MECOM: variants seen among roughly 807,000 people sequenced by gnomAD.
MECOM encodes histone-lysine N-methyltransferase MECOM.
Under a neutral mutation model 116.3 loss-of-function variants are expected in MECOM, and 13 were observed. That is an observed-to-expected ratio of 0.11 (90% confidence interval 0.07 to 0.18). The LOEUF is 0.18. Ranked by LOEUF, MECOM falls within the 10% of genes least tolerant of loss-of-function variation. MECOM has a pLI of 1.00. For synonymous variants in MECOM, 528 were observed against 535.2 expected (o/e 0.99, Z 0.19); for missense variants, 1,299 against 1,509.0 (o/e 0.86, Z 2.31).
intron 2 of MECOM, among the ~76,000 whole-genome samples, chr3:169,334,561 G>A (rs1307846500): frequency 6.6e-6 from 1 of 152,088 alleles, no homozygotes; most frequent in Non-Finnish European, 1.5e-5. Flanking sequence ...GAGAACGCTG[G>A]TTGATGAGGA....
At position 169,089,043 on chromosome 3, in the gene MECOM, G is replaced by A; in HGVS notation, c.3542C>T (p.Pro1181Leu). The change falls in exon 16 of 17, where the codon CCA becomes CTA. Residue 1181 changes from proline to leucine, a missense_variant. Pro to Leu is a moderately conservative substitution (Grantham distance 98). Around this residue, in one of 6 missense-constraint regions of MECOM, gnomAD observed 273 missense variants for 289.3 expected, o/e 0.94. Coordinates refer to ENST00000651503, the MANE Select transcript of MECOM (RefSeq NM_004991.4). ...ELSSFSTSHV[P>L]EELKQPLHRK... ...GTGTAACGGCTGCTTAAGTTCCTCT[G>A]GCACATGGGAAGTACTAAAAGAAGA... 1.2e-6 allele frequency: 2 copies of A among 1,606,346 alleles called. No individual in the cohort carries two copies. Among genetic ancestry groups the A allele is most frequent in the Non-Finnish European group, 1.7e-6 (2 of 1,177,092 alleles).
chr3:169,527,603 AT>A (rs1758108462), intron 1 of MECOM, among the ~76,000 whole-genome samples: 1 of 152,100 alleles, frequency 6.6e-6, no homozygotes, highest in South Asian at 2.1e-4. Flanking sequence ...TTTCTTAATA[AT>A]TCTGGCAGCC....
intron 2 of MECOM, among the ~76,000 whole-genome samples, chr3:169,294,308 C>T (rs1209172122): frequency 6.6e-6 from 1 of 152,126 alleles, no homozygotes; most frequent in Non-Finnish European, 1.5e-5. Context: ...AGAAAATAAT[C>T]ATTTTAGAAA....
intron 1 of MECOM, among the ~76,000 whole-genome samples, chr3:169,556,809 T>G (rs1378765509): frequency 6.6e-6 from 1 of 152,152 alleles, no homozygotes; most frequent in Non-Finnish European, 1.5e-5. Flanking sequence ...AGCCTTCACA[T>G]GACGGTAGTC....
chr3:169,545,406 T>C (rs1229880379), intron 1 of MECOM, among the ~76,000 whole-genome samples: 1 of 152,014 alleles, frequency 6.6e-6, no homozygotes, highest in African/African-American at 2.4e-5. Context: ...GAGAATAAGG[T>C]TGGAATGAAC....
intron 1 of MECOM, among the ~76,000 whole-genome samples, chr3:169,616,367 A>G (rs113673397): frequency 0.01 from 1,569 of 152,126 alleles, 31 homozygotes; most frequent in African/African-American, 0.036. Context: ...TTGGTTGGAG[A>G]TAGAGTCTTG....
At chr3:169,481,984 T>C (rs1313425122) in intron 1 of MECOM, among the ~76,000 whole-genome samples, 2 of 152,218 alleles carry the variant, frequency 1.3e-5, no homozygotes, top group African/African-American at 4.8e-5. Context: ...AGTACAACTC[T>C]TGAGATCATG....
At chr3:169,592,791 T>C (rs1216055484) in intron 1 of MECOM, among the ~76,000 whole-genome samples, 2 of 152,018 alleles carry the variant, frequency 1.3e-5, no homozygotes, top group Non-Finnish European at 2.9e-5. Flanking sequence ...TGCCAGCATT[T>C]TCCACAATTA....
intron 2 of MECOM, among the ~76,000 whole-genome samples, chr3:169,307,444 T>G (rs1717928020): frequency 6.6e-6 from 1 of 152,130 alleles, no homozygotes; most frequent in Non-Finnish European, 1.5e-5. Context: ...TGTGGTGGCA[T>G]GTGCCTGTGG....
intron 2 of MECOM, among the ~76,000 whole-genome samples, chr3:169,286,828 C>T (rs1049828714): frequency 1.3e-5 from 2 of 152,110 alleles, no homozygotes; most frequent in Admixed American, 1.3e-4. Flanking sequence ...TTCCAACGCC[C>T]CGAGAAGAAC....
chr3:169,117,248 G>T (rs145017694), intron 7 of MECOM, among the ~76,000 whole-genome samples: 1 of 152,160 alleles, frequency 6.6e-6, no homozygotes, highest in East Asian at 1.9e-4. Flanking sequence ...TGGGGAAAAA[G>T]CCTGTGACTG....
In MECOM at chr3:169,165,280, C is replaced by T. The variant is rs186956777; in HGVS notation, c.376-21448G>A. On this transcript the variant is annotated intron_variant, in intron 2 of 16. Transcript: ENST00000651503. ...GAGCATTCATTCTAGTGAAAATTAA[C>T]ATGAAAATGCACTAAGAAAATGAAG... 5.3e-5 allele frequency among the ~76,000 whole-genome samples: 8 copies of T among 152,198 alleles called. No individual in the cohort carries two copies. The East Asian group carries it at 1.5e-3, about 29-fold the overall frequency.
chr3:169,154,136 C>A (rs1267663802), intron 2 of MECOM, among the ~76,000 whole-genome samples: 5 of 151,980 alleles, frequency 3.3e-5, no homozygotes, highest in Non-Finnish European at 5.9e-5. Context: ...TCTGTTCTAC[C>A]CACTGTGTTC....
intron 1 of MECOM, among the ~76,000 whole-genome samples, chr3:169,474,657 AT>A (rs777081430): frequency 7.2e-5 from 11 of 152,278 alleles, no homozygotes; most frequent in Non-Finnish European, 1.0e-4. Flanking sequence ...GTTTTGTGTA[AT>A]AACTGCTAAT....
rs1377532359 is a variant in MECOM, at chr3:169,614,308, GC to G, written c.37+49027del. ...AAAATTCCTCCCTCACTTAAACAGA[GC>G]TTTAGGTTTTCCTTTTCCTCTAGTG... is the stretch of plus-strand genomic sequence containing the variant. On this transcript the variant is annotated intron_variant, in intron 1 of 16. Transcript: ENST00000651503. 2.0e-5 allele frequency among the ~76,000 whole-genome samples: 3 copies of G among 151,066 alleles called. No homozygotes were observed. In the East Asian group the frequency reaches 5.8e-4, roughly 29 times the overall value.
At chr3:169,453,077 C>A (rs920663108) in intron 1 of MECOM, among the ~76,000 whole-genome samples, 2 of 152,032 alleles carry the variant, frequency 1.3e-5, no homozygotes, top group Non-Finnish European at 2.9e-5. Context: ...GCTAAGTTAC[C>A]AATTAGCTTC....
At chr3:169,489,545 G>T (rs952624928) in intron 1 of MECOM, among the ~76,000 whole-genome samples, 1 of 152,096 alleles carries the variant, frequency 6.6e-6, no homozygotes, top group Non-Finnish European at 1.5e-5. Flanking sequence ...ATAAAGAAAT[G>T]GACCAAATGA....
chr3:169,539,356 A>C (rs1288977034), intron 1 of MECOM, among the ~76,000 whole-genome samples: 1 of 151,990 alleles, frequency 6.6e-6, no homozygotes, highest in Non-Finnish European at 1.5e-5. Context: ...CAACTTCTAA[A>C]ATTTCCTTTG....
intron 2 of MECOM, among the ~76,000 whole-genome samples, chr3:169,339,879 A>G (rs562158550): frequency 9.8e-5 from 15 of 152,290 alleles, no homozygotes; most frequent in Middle Eastern, 3.4e-3. Flanking sequence ...GTCTAAAGTG[A>G]GTCAAATATA....
Sources: allele counts gnomAD v4.1 joint callset (sites outside exome capture counted in the v4.1 genomes callset), GRCh38; gene constraint gnomAD v4.1.1; regional missense constraint gnomAD v4.1.1; transcripts MANE v1.5; gene names NCBI Gene and HGNC (gene_info 2026-07-23, HGNC 2026-07-21).